The following CCSER1 variants were observed in gnomAD, a reference collection of about 807,000 sequenced individuals.
CCSER1 encodes the protein serine-rich coiled-coil domain-containing protein 1.
In CCSER1, 41 loss-of-function variants were observed where a neutral mutation model predicts 82.0. The ratio of observed to expected loss-of-function variants is 0.50; its 90% confidence interval spans 0.39 to 0.65. The LOEUF is 0.65. Ranked by LOEUF, CCSER1 falls within the 30% of genes least tolerant of loss-of-function variation. CCSER1 has a pLI of 0.00. For synonymous variants in CCSER1, 414 were observed against 383.9 expected (o/e 1.08, Z -0.92); for missense variants, 1,119 against 1,064.2 (o/e 1.05, Z -0.72).
intron 7 of CCSER1, among the ~76,000 whole-genome samples, chr4:90,807,579 T>A (rs1757683834): frequency 6.6e-6 from 1 of 151,940 alleles, no homozygotes; most frequent in South Asian, 2.1e-4. Flanking sequence ...CAACAAAATA[T>A]TTTAAAAGTT....
intron 10 of CCSER1, among the ~76,000 whole-genome samples, chr4:91,351,702 G>C (rs1748481393): frequency 6.6e-6 from 1 of 151,990 alleles, no homozygotes; most frequent in African/African-American, 2.4e-5. Flanking sequence ...TTAAGAATGA[G>C]AGAGAATAAT....
At chr4:90,973,801 A>G (rs2100084992) in intron 9 of CCSER1, among the ~76,000 whole-genome samples, 1 of 151,566 alleles carries the variant, frequency 6.6e-6, no homozygotes, top group Non-Finnish European at 1.5e-5. Flanking sequence ...ACTGTGAGAT[A>G]CAGAAACAGA....
intron 5 of CCSER1, among the ~76,000 whole-genome samples, chr4:90,554,864 G>A (rs887685448): frequency 6.6e-6 from 1 of 152,198 alleles, no homozygotes; most frequent in African/African-American, 2.4e-5. Flanking sequence ...ACCCAGGAGA[G>A]TAAGGAGGGC....
chr4:91,543,848 A>G lies in CCSER1; in HGVS notation c.2218-54724A>G, dbSNP rs148661854. Among the ~76,000 whole-genome samples, 1,118 of 152,050 alleles carry G rather than the reference A, an allele frequency of 7.4e-3. 4 individuals carry two copies. The highest frequency in any genetic ancestry group is 0.017 in the Middle Eastern group (5 of 294). On this transcript the variant is annotated intron_variant, in intron 10 of 10. Coordinates refer to ENST00000509176, the MANE Select transcript of CCSER1 (RefSeq NM_001145065.2). ...ATTTCCTGAATTTGAATGTTGGCCT[A>G]CCTTGCTTGGTTGGGGAAGTTCTCC...
chr4:90,953,141 T>C (rs1733087546), intron 9 of CCSER1, among the ~76,000 whole-genome samples: 1 of 152,068 alleles, frequency 6.6e-6, no homozygotes, highest in Admixed American at 6.6e-5. Flanking sequence ...TATGTTCATA[T>C]GCAATTTTGT....
chr4:91,087,729 A>C (rs747140249), intron 10 of CCSER1, among the ~76,000 whole-genome samples: 1 of 152,134 alleles, frequency 6.6e-6, no homozygotes, highest in Admixed American at 6.6e-5. Flanking sequence ...TCTGCACTTG[A>C]CATCTCTAAT....
At position 91,544,519 on chromosome 4, in the gene CCSER1, T is replaced by C. The variant is rs564713191; in HGVS notation, c.2218-54053T>C. 1.7e-3 allele frequency among the ~76,000 whole-genome samples: 258 copies of C among 152,300 alleles called. 3 individuals carry two copies. Among genetic ancestry groups the C allele is most frequent in the African/African-American group, 5.9e-3 (245 of 41,562 alleles). ...TGGATGTCCTTTCTGTTTGTTAGTTTTCCTTCTAACAGTCAGCACCCTCAG... is the reference window on the plus strand; with the variant it reads ...TGGATGTCCTTTCTGTTTGTTAGTTCTCCTTCTAACAGTCAGCACCCTCAG... On this transcript the variant is annotated intron_variant, in intron 10 of 10. Coordinates refer to ENST00000509176, the MANE Select transcript of CCSER1 (RefSeq NM_001145065.2).
At position 90,923,452 on chromosome 4, in the gene CCSER1, G is replaced by T. The variant is rs1364579170; in HGVS notation, c.2172+5G>T. 1 of 1,545,982 alleles carries T rather than the reference G, an allele frequency of 6.5e-7. No homozygotes were observed. The highest frequency in any genetic ancestry group is 1.4e-5 in the African/African-American group (1 of 72,918). On this transcript the variant is annotated splice_donor_5th_base_variant and intron_variant, in intron 9 of 10. Transcript: ENST00000509176. ...ACTGAACTACTATGCTATGATGTAA[G>T]TAGCTCTGTAAAACCATTTTTAACT... is the stretch of plus-strand genomic sequence containing the variant.
chr4:90,207,086 A>C (rs1739002178), intron 1 of CCSER1, among the ~76,000 whole-genome samples: 1 of 151,808 alleles, frequency 6.6e-6, no homozygotes, highest in Non-Finnish European at 1.5e-5. Flanking sequence ...GTGTCTTTGC[A>C]TGTGAGATGG....
At chr4:91,533,260 T>C (rs1230923516) in intron 10 of CCSER1, among the ~76,000 whole-genome samples, 1 of 152,192 alleles carries the variant, frequency 6.6e-6, no homozygotes, top group Admixed American at 6.5e-5. Context: ...GTTGAAAATA[T>C]GATTAATGTG....
chr4:90,780,862 A>G, intron 7 of CCSER1: 1 of 876,578 alleles, frequency 1.1e-6, no homozygotes, highest in Non-Finnish European at 1.4e-6. Flanking sequence ...ATGGCTATAA[A>G]GAAATACCTG....
At chr4:91,396,018 C>T (rs1751957437) in intron 10 of CCSER1, among the ~76,000 whole-genome samples, 1 of 152,036 alleles carries the variant, frequency 6.6e-6, no homozygotes, top group Non-Finnish European at 1.5e-5. Flanking sequence ...CTTCGTGCTC[C>T]CCATATCCGT....
intron 5 of CCSER1, among the ~76,000 whole-genome samples, chr4:90,470,810 A>G (rs1319709223): frequency 6.9e-5 from 10 of 145,270 alleles, no homozygotes; most frequent in Non-Finnish European, 1.5e-4. Context: ...GTGTCATTGG[A>G]TTGGCTTTGA....
chr4:90,450,786 G>T (rs114329599), intron 4 of CCSER1, among the ~76,000 whole-genome samples: 2,799 of 152,266 alleles, frequency 0.018, 79 homozygotes, highest in African/African-American at 0.063. Context: ...AAGTCCCCTG[G>T]GTTGAATAGA....
intron 7 of CCSER1, among the ~76,000 whole-genome samples, chr4:90,755,386 C>T (rs1415195405): frequency 6.6e-6 from 1 of 152,138 alleles, no homozygotes. Flanking sequence ...ATTCTCATCT[C>T]TCTGTACCTG....
Position 90,724,124 on chromosome 4 carries a change from G to GTT in CCSER1, c.2010+139_2010+140dup, listed in dbSNP as rs147392922. On this transcript the variant is annotated intron_variant, in intron 7 of 10. Coordinates refer to ENST00000509176, the MANE Select transcript of CCSER1 (RefSeq NM_001145065.2). ...GGGTCTGATTTCAAATCTTAAAATCGTTTTTTTGTGTGTTCCATTGTCATT... is the reference window on the plus strand; with the variant it reads ...GGGTCTGATTTCAAATCTTAAAATCGTTTTTTTTTGTGTGTTCCATTGTCATT... 6.7e-5 allele frequency: 35 copies of GTT among 525,564 alleles called. No individual in the cohort carries two copies. The Middle Eastern group carries it at 1.5e-3, about 23-fold the overall frequency. 32.6% of individuals were successfully genotyped at this position (525,564 alleles called of 1,614,324 possible).
chr4:91,394,749 A>G (rs1225739514), intron 10 of CCSER1, among the ~76,000 whole-genome samples: 2 of 152,096 alleles, frequency 1.3e-5, no homozygotes, highest in Admixed American at 1.3e-4. Context: ...CAGTTAAAGT[A>G]TTCACTTAGT....
chr4:90,355,317 A>C (rs3775484), intron 3 of CCSER1, among the ~76,000 whole-genome samples: 9 of 151,938 alleles, frequency 5.9e-5, no homozygotes, highest in African/African-American at 1.4e-4. Flanking sequence ...AGAGAAAAGA[A>C]AGAAAAAGAA....
chr4:90,838,633 A>G (rs1161090799), intron 8 of CCSER1, among the ~76,000 whole-genome samples: 4 of 151,832 alleles, frequency 2.6e-5, no homozygotes, highest in Admixed American at 1.3e-4. Flanking sequence ...GTTTTACTCT[A>G]GATTTCACTG....
Sources: allele counts gnomAD v4.1 joint callset (sites outside exome capture counted in the v4.1 genomes callset), GRCh38; gene constraint gnomAD v4.1.1; transcripts MANE v1.5; gene names NCBI Gene and HGNC (gene_info 2026-07-23, HGNC 2026-07-21).